Variants in IST1 observed in about 807,000 individuals in gnomAD.
The protein encoded by IST1 is IST1 homolog.
Under a neutral mutation model 37.0 loss-of-function variants are expected in IST1, and 23 were observed. The observed-to-expected ratio is 0.62, with a 90% CI of 0.45 to 0.88. IST1 has a LOEUF of 0.88. Ranked by LOEUF, IST1 falls within the 40% of genes least tolerant of loss-of-function variation. IST1 has a pLI of 0.00. For missense variants in IST1, 488 were observed against 445.4 expected (o/e 1.10, Z -0.86); for synonymous variants, 180 against 161.7 (o/e 1.11, Z -0.86).
chr16:71,923,344 A>T lies in IST1; in HGVS notation c.816A>T (p.Pro272=). 1 of 1,611,666 alleles carries T rather than the reference A, an allele frequency of 6.2e-7. No homozygotes were observed. Among genetic ancestry groups the T allele is most frequent in the Non-Finnish European group, 8.5e-7 (1 of 1,178,074 alleles). ...GTYQAFPNIH[P]PQIPATPPSY... Reference sequence around the variant, plus strand: ...ATCAGGCCTTTCCCAATATTCATCCACCTCAGATACCAGCAACTCCCCCAT... The same window carrying T: ...ATCAGGCCTTTCCCAATATTCATCCTCCTCAGATACCAGCAACTCCCCCAT... The change falls in exon 8 of 10, where the codon CCA becomes CCT. Residue 272 remains proline (P), a synonymous_variant. Coordinates refer to ENST00000378799, the MANE Select transcript of IST1 (RefSeq NM_001270975.2).
chr16:71,923,708 A>G (rs1219540995), intron 8 of IST1, among the ~76,000 whole-genome samples: 2 of 152,318 alleles, frequency 1.3e-5, no homozygotes, highest in Non-Finnish European at 1.5e-5. Context: ...AGCTGATACA[A>G]TCGTGGTGCT....
chr16:71,927,464 G>C, intron 9 of IST1, 150 bp from the exon 10 acceptor site: 2 of 635,178 alleles, frequency 3.1e-6, no homozygotes, highest in South Asian at 1.8e-5. Context: ...ACTCCAGCCT[G>C]GGTGACAGAG....
chr16:71,930,783 A>C lies in IST1; in HGVS notation c.*2970A>C, dbSNP rs1425117738. The stretch of plus-strand genomic sequence containing the variant: ...TCCCATAACAAAAACTGTTGTTTAA[A>C]ATTTAGATGTTCTTTTTCAACAAAT... On this transcript the variant is annotated 3_prime_UTR_variant, in exon 10 of 10. Transcript: ENST00000378799. 1 of 152,212 alleles carries C rather than the reference A, an allele frequency of 6.6e-6. No individual in the cohort carries two copies. Among genetic ancestry groups the C allele is most frequent in the African/African-American group, 2.4e-5 (1 of 41,456 alleles). 9.4% of individuals were successfully genotyped at this position (152,212 alleles called of 1,614,324 possible).
chr16:71,920,681 C>T (rs1438659551), intron 4 of IST1, 58 bp from the exon 5 acceptor site: 4 of 1,260,862 alleles, frequency 3.2e-6, no homozygotes, highest in East Asian at 2.3e-5. Flanking sequence ...CAGGAAGAAG[C>T]TTAAAGCAGT....
chr16:71,894,954 C>T (rs533614946), upstream of IST1: 4 of 871,328 alleles, frequency 4.6e-6, no homozygotes, highest in African/African-American at 1.7e-5. Flanking sequence ...TTATACCACA[C>T]AGACCGGAGC....
chr16:71,911,187 G>A (rs544462688), intron 1 of IST1, among the ~76,000 whole-genome samples: 70 of 152,274 alleles, frequency 4.6e-4, no homozygotes, highest in African/African-American at 1.6e-3. Context: ...GTTGCAGTGA[G>A]CGGTGATTGC....
chr16:71,910,153 C>T (rs1010756339), intron 1 of IST1, among the ~76,000 whole-genome samples: 17 of 152,146 alleles, frequency 1.1e-4, no homozygotes, highest in African/African-American at 3.4e-4. Context: ...ATAAACAGTT[C>T]ATACATTTTA....
In IST1 at chr16:71,929,677, TTC is replaced by T. The variant is rs1365129257; in HGVS notation, c.*1866_*1867del. 1.3e-6 allele frequency: 2 copies of T among 1,541,938 alleles called. No homozygotes were observed. The highest frequency in any genetic ancestry group is 4.9e-5 in the East Asian group (2 of 40,854). ...CAGTGTATCTATTAGTGCAGCTTCT[TTC>T]TGAGTATTGAAGACAAAAAGAGAAA... On this transcript the variant is annotated 3_prime_UTR_variant, in exon 10 of 10. Coordinates refer to ENST00000378799, the MANE Select transcript of IST1 (RefSeq NM_001270975.2).
chr16:71,921,873 C>T (rs1038219738), intron 6 of IST1: 3 of 196,248 alleles, frequency 1.5e-5, no homozygotes, highest in African/African-American at 2.4e-5. Context: ...GTGGCTGGCT[C>T]ACGCCTGTAA....
rs575642971 is a variant in IST1 at position 71,921,488 on chromosome 16, T to G, written c.552+35T>G. On this transcript the variant is annotated intron_variant, in intron 6 of 9. Transcript: ENST00000378799. ...TCCCAGAATACAAAGAAAAATGAGT[T>G]TGTAGGTATGACCTTCTTTGGAAAA... The G allele has an allele frequency of 4.5e-6, 6 of 1,323,624 alleles. No individual in the cohort carries two copies. In the African/African-American group the frequency reaches 7.4e-5, roughly 16 times the overall value. The allele number at this position is 1,323,624 out of a possible 1,614,324, so 82.0% of individuals were successfully genotyped here.
chr16:71,918,013 C>T (rs1242006604), intron 4 of IST1, among the ~76,000 whole-genome samples: 4 of 152,120 alleles, frequency 2.6e-5, no homozygotes, highest in Non-Finnish European at 5.9e-5. Flanking sequence ...TGGAACCTCT[C>T]GTGTGCATGG....
chr16:71,921,061 G>A, intron 5 of IST1: 2 of 606,492 alleles, frequency 3.3e-6, no homozygotes, highest in Non-Finnish European at 5.9e-6. Flanking sequence ...TGTCATTTGT[G>A]AAGGTTGGAA....
chr16:71,904,580 A>G (rs1360989367), intron 1 of IST1, among the ~76,000 whole-genome samples: 2 of 152,002 alleles, frequency 1.3e-5, no homozygotes, highest in African/African-American at 2.4e-5. Context: ...TGTCCAGCTA[A>G]TTTTTATTTT....
At chr16:71,896,610 A>C (rs572326305) in intron 1 of IST1, among the ~76,000 whole-genome samples, 1 of 152,078 alleles carries the variant, frequency 6.6e-6, no homozygotes, top group African/African-American at 2.4e-5. Flanking sequence ...TGGCTTTTGT[A>C]CCTACAAGCC....
chr16:71,897,507 G>A (rs947869367), intron 1 of IST1, among the ~76,000 whole-genome samples: 4 of 152,016 alleles, frequency 2.6e-5, no homozygotes, highest in African/African-American at 7.2e-5. Context: ...AAGTCCCAGG[G>A]TTTTACAATA....
intron 7 of IST1, 67 bp downstream of exon 7, chr16:71,922,747 C>T (rs1597255357): frequency 7.7e-7 from 1 of 1,306,522 alleles, no homozygotes; most frequent in East Asian, 2.5e-5. Flanking sequence ...GCTCTGTGAA[C>T]ACACTCAGGA....
intron 1 of IST1, among the ~76,000 whole-genome samples, chr16:71,896,878 G>A (rs1343924217): frequency 1.3e-5 from 2 of 152,020 alleles, no homozygotes; most frequent in Non-Finnish European, 2.9e-5. Flanking sequence ...TGAGGTAGGA[G>A]GATTGCTTGA....
At chr16:71,907,363 C>T (rs868157883) in intron 1 of IST1, among the ~76,000 whole-genome samples, 12 of 150,632 alleles carry the variant, frequency 8.0e-5, no homozygotes, top group African/African-American at 1.7e-4. Flanking sequence ...CTGCAAGCTT[C>T]GCCTCCTGGG....
chr16:71,923,937 C>T (rs1258876339), intron 8 of IST1, among the ~76,000 whole-genome samples: 2 of 151,834 alleles, frequency 1.3e-5, no homozygotes, highest in Non-Finnish European at 2.9e-5. Flanking sequence ...AGCCTTGTTT[C>T]TTCAGTTACT....
Sources: allele counts gnomAD v4.1 joint callset (sites outside exome capture counted in the v4.1 genomes callset), GRCh38; gene constraint gnomAD v4.1.1; transcripts MANE v1.5; gene names NCBI Gene and HGNC (gene_info 2026-07-23, HGNC 2026-07-21).